Variants in PRKG1 observed in about 807,000 individuals in gnomAD.
The protein encoded by PRKG1 is protein kinase cGMP-dependent 1, also known as cGMP-dependent protein kinase 1.
In PRKG1, 35 loss-of-function variants were observed where a neutral mutation model predicts 88.1. The ratio of observed to expected loss-of-function variants is 0.40; its 90% CI spans 0.30 to 0.53. The LOEUF is 0.53. PRKG1 is among the 20% of genes least tolerant of loss of function. The probability of loss-of-function intolerance (pLI) is 0.59; values close to 1 mark genes in which losing one functional copy is unlikely to be tolerated. For synonymous variants in PRKG1, 303 were observed against 292.5 expected, an observed-to-expected ratio of 1.04 and a Z score of -0.37; for missense variants, 540 against 839.8, an observed-to-expected ratio of 0.64 and a Z score of 4.41.
chr10:51,596,742 C>T (rs192621110), intron 3 of PRKG1, among the ~76,000 whole-genome samples: 103 of 152,182 alleles, frequency 6.8e-4, no homozygotes, highest in African/African-American at 2.3e-3. Context: ...ATAATCAATG[C>T]GATGATTTGA....
At chr10:51,752,496 C>A (rs1230760074) in intron 3 of PRKG1, among the ~76,000 whole-genome samples, 1 of 152,132 alleles carries the variant, frequency 6.6e-6, no homozygotes, top group Non-Finnish European at 1.5e-5. Context: ...AAGGCCATTT[C>A]TTCAAATCTG....
intron 2 of PRKG1, among the ~76,000 whole-genome samples, chr10:51,172,639 T>G (rs10995897): frequency 1.3e-5 from 1 of 74,986 alleles, no homozygotes. Flanking sequence ...TATGTATGTA[T>G]GTATGTATGT....
chr10:52,270,482 A>C (rs528357720), intron 10 of PRKG1, among the ~76,000 whole-genome samples: 3 of 152,078 alleles, frequency 2.0e-5, no homozygotes, highest in Admixed American at 1.3e-4. Flanking sequence ...AGTGTCCAAC[A>C]ATGATAGACT....
chr10:51,898,786 T>C (rs1564698864), intron 4 of PRKG1, among the ~76,000 whole-genome samples: 1 of 152,146 alleles, frequency 6.6e-6, no homozygotes, highest in East Asian at 1.9e-4. Flanking sequence ...ATCATACCAC[T>C]ACACAACAGC....
At chr10:52,027,488 T>C (rs1845372551) in intron 5 of PRKG1, among the ~76,000 whole-genome samples, 1 of 152,184 alleles carries the variant, frequency 6.6e-6, no homozygotes, top group South Asian at 2.1e-4. Flanking sequence ...CACAACACTT[T>C]TTGTTTCTAA....
chr10:51,272,736 C>A (rs55944021), intron 2 of PRKG1, among the ~76,000 whole-genome samples: 1 of 152,132 alleles, frequency 6.6e-6, no homozygotes, highest in African/African-American at 2.4e-5. Context: ...AGGATGCAGC[C>A]CAGCCTCTGT....
intron 7 of PRKG1, among the ~76,000 whole-genome samples, chr10:52,121,557 G>C (rs1189213470): frequency 6.6e-6 from 1 of 152,176 alleles, no homozygotes; most frequent in African/African-American, 2.4e-5. Context: ...TTGCTGCTTA[G>C]CTATTTCTTC....
intron 2 of PRKG1, among the ~76,000 whole-genome samples, chr10:51,329,204 C>T (rs927066212): frequency 6.6e-6 from 1 of 152,118 alleles, no homozygotes; most frequent in African/African-American, 2.4e-5. Flanking sequence ...TTTGGCTTTA[C>T]ATTTAAGTAT....
At chr10:51,886,756 A>G (rs573567440) in intron 4 of PRKG1, among the ~76,000 whole-genome samples, 2 of 152,116 alleles carry the variant, frequency 1.3e-5, no homozygotes, top group Non-Finnish European at 2.9e-5. Context: ...CTATTGTATG[A>G]AGACATTTGT....
At chr10:51,610,550 CTT>C (rs1838879932) in intron 3 of PRKG1, among the ~76,000 whole-genome samples, 1 of 152,076 alleles carries the variant, frequency 6.6e-6, no homozygotes, top group Non-Finnish European at 1.5e-5. Context: ...TTGATAGACA[CTT>C]AGATTGATTT....
chr10:52,226,822 A>T (rs983188940), intron 9 of PRKG1, among the ~76,000 whole-genome samples: 1 of 152,158 alleles, frequency 6.6e-6, no homozygotes, highest in Non-Finnish European at 1.5e-5. Context: ...AACTTTTGTG[A>T]ATAGGGTCAA....
chr10:51,679,867 T>G (rs1488962752), intron 3 of PRKG1, among the ~76,000 whole-genome samples: 1 of 69,000 alleles, frequency 1.4e-5, no homozygotes, highest in Non-Finnish European at 2.7e-5. Flanking sequence ...ATGCTATCCC[T>G]CCCCCCTCCC....
chr10:51,374,525 A>G (rs1842779815), intron 2 of PRKG1, among the ~76,000 whole-genome samples: 1 of 152,152 alleles, frequency 6.6e-6, no homozygotes, highest in Non-Finnish European at 1.5e-5. Flanking sequence ...CCTCCCACAT[A>G]AATGGGATTA....
intron 3 of PRKG1, chr10:51,568,911 G>T (rs1292531300): frequency 2.0e-5 from 3 of 152,122 alleles, no homozygotes; most frequent in African/African-American, 7.2e-5. Flanking sequence ...GTTGTAGTAA[G>T]AAGTGGTGGC....
At chr10:52,056,051 T>C (rs1846103737) in intron 6 of PRKG1, among the ~76,000 whole-genome samples, 1 of 152,212 alleles carries the variant, frequency 6.6e-6, no homozygotes, top group South Asian at 2.1e-4. Context: ...GACTGATCTC[T>C]GAATGCCTGG....
At chr10:51,817,156 G>A (rs1242419729) in intron 4 of PRKG1, among the ~76,000 whole-genome samples, 2 of 151,902 alleles carry the variant, frequency 1.3e-5, no homozygotes, top group East Asian at 3.9e-4. Flanking sequence ...TGGTGTTTGG[G>A]GCAGCGGGGC....
intron 3 of PRKG1, among the ~76,000 whole-genome samples, chr10:51,507,510 G>A (rs1841256136): frequency 6.6e-6 from 1 of 151,958 alleles, no homozygotes; most frequent in African/African-American, 2.4e-5. Context: ...ATATTTGGTT[G>A]GCTTGCTTTG....
intron 1 of PRKG1, among the ~76,000 whole-genome samples, chr10:51,148,904 C>T (rs548586557): frequency 4.9e-4 from 74 of 152,164 alleles, no homozygotes; most frequent in African/African-American, 1.7e-3. Context: ...AATCATACCC[C>T]TTTTTATAGT....
chr10:52,262,799 C>A (rs936250552), intron 10 of PRKG1, among the ~76,000 whole-genome samples: 1 of 152,100 alleles, frequency 6.6e-6, no homozygotes, highest in Non-Finnish European at 1.5e-5. Context: ...CATATACACA[C>A]ATTCTCTCCT....
Sources: allele counts gnomAD v4.1 joint callset (sites outside exome capture counted in the v4.1 genomes callset), GRCh38; gene constraint gnomAD v4.1.1; transcripts MANE v1.5; gene names NCBI Gene and HGNC (gene_info 2026-07-23, HGNC 2026-07-21).